The following APC variants were observed in gnomAD, a reference collection of about 807,000 sequenced individuals.
APC encodes the protein adenomatous polyposis coli protein.
APC carries 72 observed loss-of-function variants against 247.0 expected under a neutral mutation model. That is an observed-to-expected ratio of 0.29 (90% CI 0.24 to 0.35). APC has a LOEUF of 0.35. Ranked by LOEUF, APC falls within the 10% of genes least tolerant of loss-of-function variation. The probability of loss-of-function intolerance (pLI) is 1.00; values close to 1 mark genes in which losing one functional copy is unlikely to be tolerated. For missense variants in APC, 3,400 were observed against 3,360.7 expected, an observed-to-expected ratio of 1.01 and a Z score of -0.29; for synonymous variants, 1,254 against 1,162.5, an observed-to-expected ratio of 1.08 and a Z score of -1.60.
chr5:112,797,967 T>A (rs964566093), intron 7 of APC, among the ~76,000 whole-genome samples: 1 of 152,166 alleles, frequency 6.6e-6, no homozygotes, highest in East Asian at 1.9e-4. Context: ...GATCCCTCAT[T>A]GCTGGTGGGA....
intron 1 of APC, among the ~76,000 whole-genome samples, chr5:112,731,700 T>G (rs1752107656): frequency 2.6e-5 from 4 of 152,186 alleles, no homozygotes. Context: ...ATAGTACTCT[T>G]GTGTTTATTT....
intron 1 of APC, among the ~76,000 whole-genome samples, chr5:112,712,801 A>G (rs376831031): frequency 5.3e-5 from 8 of 152,214 alleles, no homozygotes; most frequent in African/African-American, 1.7e-4. Flanking sequence ...CCCACTGTCA[A>G]TCACGTGTCA....
At chr5:112,725,945 G>T (rs1421850327) in intron 1 of APC, among the ~76,000 whole-genome samples, 4 of 152,210 alleles carry the variant, frequency 2.6e-5, no homozygotes, top group Non-Finnish European at 1.5e-5. Context: ...TTAATAGCCT[G>T]TGTCTATTTG....
At chr5:112,767,571 C>A (rs778394174) in intron 4 of APC, among the ~76,000 whole-genome samples, 181 bp downstream of exon 4, 1 of 152,074 alleles carries the variant, frequency 6.6e-6, no homozygotes, top group African/African-American at 2.4e-5. Flanking sequence ...AAAATATAAA[C>A]AAGGCCGTTT....
At chr5:112,713,318 C>G (rs1272220326) in intron 1 of APC, among the ~76,000 whole-genome samples, 1 of 152,156 alleles carries the variant, frequency 6.6e-6, no homozygotes, top group East Asian at 1.9e-4. Context: ...ACTTTGGGCT[C>G]AGACTTTGCC....
chr5:112,744,884 T>C (rs936709184), intron 1 of APC, among the ~76,000 whole-genome samples: 6 of 152,182 alleles, frequency 3.9e-5, no homozygotes, highest in Non-Finnish European at 7.4e-5. Flanking sequence ...AGATTTGAAT[T>C]CTGGCATAGG....
At chr5:112,814,917 A>G (rs1279637636) in intron 8 of APC, among the ~76,000 whole-genome samples, 1 of 152,214 alleles carries the variant, frequency 6.6e-6, no homozygotes, top group Non-Finnish European at 1.5e-5. Flanking sequence ...TACTGATTTT[A>G]TACAGCCTCT....
chr5:112,736,643 C>T (rs1254372188), upstream of APC, among the ~76,000 whole-genome samples: 2 of 152,192 alleles, frequency 1.3e-5, no homozygotes, highest in African/African-American at 4.8e-5. Flanking sequence ...AGGCCGGGCA[C>T]AGTGGCTCAC....
At chr5:112,723,077 A>G (rs934951452) in intron 1 of APC, among the ~76,000 whole-genome samples, 1 of 152,074 alleles carries the variant, frequency 6.6e-6, no homozygotes, top group South Asian at 2.1e-4. Flanking sequence ...TGGGTAGGTA[A>G]AAGGAGGACA....
At position 112,828,890 on chromosome 5, in the gene APC, G is replaced by A. The variant is rs1371086615; in HGVS notation, c.1661G>A (p.Arg554Gln). Residue 554 changes from arginine (R) to glutamine (Q), a missense_variant, in exon 14 of 16, where the codon CGA becomes CAA. Physicochemically the swap from Arg to Gln is conservative, Grantham distance 43. Coordinates refer to ENST00000257430, the MANE Select transcript of APC (RefSeq NM_000038.6). Reference protein sequence around the residue: ...IASVLRNLSWRADVNSKKTLR... With the variant: ...IASVLRNLSWQADVNSKKTLR... ...AGTGTTTTGAGGAATTTGTCTTGGC[G>A]AGCAGATGTAAATAGTAAAAAGACG... 6.2e-6 allele frequency: 10 copies of A among 1,613,668 alleles called. No homozygotes were observed. The highest frequency in any genetic ancestry group is 2.2e-5 in the East Asian group (1 of 44,866).
At chr5:112,777,259 A>G (rs1334836440) in intron 5 of APC, among the ~76,000 whole-genome samples, 2 of 151,976 alleles carry the variant, frequency 1.3e-5, no homozygotes, top group Non-Finnish European at 2.9e-5. Flanking sequence ...TTACGTGTGC[A>G]TTTTCTTTAT....
intron 8 of APC, among the ~76,000 whole-genome samples, chr5:112,807,147 A>C (rs980881145): frequency 3.3e-5 from 5 of 151,832 alleles, no homozygotes; most frequent in Non-Finnish European, 5.9e-5. Flanking sequence ...AAAAAAAAAA[A>C]AAAAACGTAA....
In APC at chr5:112,842,369, A is replaced by G. The variant is rs763707129; in HGVS notation, c.6775A>G (p.Lys2259Glu). 6.2e-7 allele frequency: 1 copy of G among 1,614,086 alleles called. No homozygotes were observed. The highest frequency in any genetic ancestry group is 8.5e-7 in the Non-Finnish European group (1 of 1,179,940). Residue 2259 changes from lysine to glutamate, a missense_variant, in exon 16 of 16, where the codon AAA (lysine) becomes GAA (glutamate). By Grantham distance (56) the Lys-to-Glu change is moderately conservative. This residue lies in a region of APC where 1,788 missense variants were observed against 1,649.5 expected (regional missense o/e 1.08). Transcript: ENST00000257430. ...CCCACCCCTTAAGACTCCAGCCTCC[A>G]AAAGCCCTAGTGAAGGTCAAACAGC... ...KGPPLKTPAS[K>E]SPSEGQTATT...
At chr5:112,830,243 C>T (rs1764163202) in intron 14 of APC, among the ~76,000 whole-genome samples, 1 of 152,064 alleles carries the variant, frequency 6.6e-6, no homozygotes, top group Non-Finnish European at 1.5e-5. Context: ...ATAAAAATAC[C>T]TGTATCACTG....
chr5:112,770,900 T>C (rs1211133136), intron 4 of APC, among the ~76,000 whole-genome samples: 1 of 152,152 alleles, frequency 6.6e-6, no homozygotes. Flanking sequence ...TCTTGTTCTT[T>C]CCTGTGAGTG....
chr5:112,778,694 C>T (rs1333253323), intron 5 of APC, among the ~76,000 whole-genome samples: 6 of 146,996 alleles, frequency 4.1e-5, no homozygotes, highest in Non-Finnish European at 3.0e-5. Context: ...CTACAGCATG[C>T]CACCATGTCC....
intron 7 of APC, among the ~76,000 whole-genome samples, chr5:112,799,629 A>G (rs1760592986): frequency 6.6e-6 from 1 of 152,218 alleles, no homozygotes; most frequent in Non-Finnish European, 1.5e-5. Context: ...ATATATTAGT[A>G]TTAATTATGT....
intron 8 of APC, among the ~76,000 whole-genome samples, chr5:112,806,962 A>G (rs568347150): frequency 1.4e-4 from 21 of 151,990 alleles, no homozygotes; most frequent in Admixed American, 1.1e-3. Context: ...GTGAAACCCC[A>G]TCTCTACTAA....
intron 1 of APC, 52 bp from the exon 2 acceptor site, chr5:112,754,821 C>G (rs2149736513): frequency 6.4e-7 from 1 of 1,562,686 alleles, no homozygotes; most frequent in Non-Finnish European, 8.8e-7. Flanking sequence ...TAAAAACAAG[C>G]AGCCACTAAA....
Sources: allele counts gnomAD v4.1 joint callset (sites outside exome capture counted in the v4.1 genomes callset), GRCh38; gene constraint gnomAD v4.1.1; regional missense constraint gnomAD v4.1.1; transcripts MANE v1.5; gene names NCBI Gene and HGNC (gene_info 2026-07-23, HGNC 2026-07-21).